The following GLIS3 variants were observed in gnomAD, a reference collection of about 807,000 sequenced individuals.
GLIS3 encodes zinc finger protein GLIS3.
A neutral mutation model predicts 78.6 loss-of-function variants in GLIS3; 53 were observed. The ratio of observed to expected loss-of-function variants is 0.67; its 90% CI spans 0.54 to 0.85. The LOEUF (loss-of-function observed/expected upper bound fraction) is 0.85. GLIS3 is among the 40% of genes least tolerant of loss of function. The pLI is 0.00. For missense variants in GLIS3, 1,703 were observed against 1,231.1 expected, an observed-to-expected ratio of 1.38 and a Z score of -5.74; for synonymous variants, 684 against 509.9, an observed-to-expected ratio of 1.34 and a Z score of -4.60.
At chr9:3,940,107 A>G (rs1405841199) in intron 4 of GLIS3, among the ~76,000 whole-genome samples, 1 of 152,224 alleles carries the variant, frequency 6.6e-6, no homozygotes, top group Non-Finnish European at 1.5e-5. Flanking sequence ...TCATCACAAG[A>G]ATTTCCCCTC....
intron 4 of GLIS3, among the ~76,000 whole-genome samples, chr9:4,308,533 T>G (rs1034943422): frequency 2.0e-5 from 3 of 152,004 alleles, no homozygotes; most frequent in Non-Finnish European, 4.4e-5. Flanking sequence ...CCCTCCTCCC[T>G]GAGATCTCCC....
the GLIS3 span, among the ~76,000 whole-genome samples, chr9:4,378,591 G>C: frequency 0.67 from 101,230 of 151,948 alleles, 33,759 homozygotes; most frequent in Admixed American, 0.71. Context: ...TACAAAATAG[G>C]TACAATAACT....
chr9:4,423,394 A>G, the GLIS3 span, among the ~76,000 whole-genome samples: 2 of 152,154 alleles, frequency 1.3e-5, no homozygotes, highest in East Asian at 1.9e-4. Flanking sequence ...TACTCAACCC[A>G]TCTTTTCCCA....
intron 2 of GLIS3, among the ~76,000 whole-genome samples, chr9:4,342,959 T>G (rs1448764730): frequency 6.6e-6 from 1 of 152,244 alleles, no homozygotes; most frequent in Non-Finnish European, 1.5e-5. Context: ...CCTCAAACTT[T>G]GCTGAAGTTG....
At chr9:4,266,252 C>T (rs1261249920) in intron 2 of GLIS3, among the ~76,000 whole-genome samples, 2 of 151,774 alleles carry the variant, frequency 1.3e-5, no homozygotes, top group East Asian at 1.9e-4. Context: ...TTTCTGTCAT[C>T]AGGAAAATGA....
intron 4 of GLIS3, among the ~76,000 whole-genome samples, chr9:4,007,297 G>A (rs1024696277): frequency 3.3e-5 from 5 of 152,084 alleles, no homozygotes; most frequent in African/African-American, 1.2e-4. Flanking sequence ...TTGGACAGTA[G>A]AGATCTGAGC....
chr9:3,937,284 T>G, intron 4 of GLIS3, 95 bp from the exon 5 acceptor site: 1 of 1,232,000 alleles, frequency 8.1e-7, no homozygotes, highest in East Asian at 2.4e-5. Context: ...GTTGGTACTT[T>G]GCCGAAAATG....
chr9:4,434,855 A>G, the GLIS3 span, among the ~76,000 whole-genome samples: 1 of 152,226 alleles, frequency 6.6e-6, no homozygotes, highest in Non-Finnish European at 1.5e-5. Context: ...ACTACAACCC[A>G]TGTGAGACCA....
At chr9:4,329,687 C>T (rs537587490) in intron 2 of GLIS3, among the ~76,000 whole-genome samples, 76 of 152,178 alleles carry the variant, frequency 5.0e-4, no homozygotes, top group African/African-American at 1.7e-3. Context: ...CTAGTCTGCC[C>T]ACCCACCTGA....
chr9:4,332,442 C>G (rs765801449), intron 2 of GLIS3, among the ~76,000 whole-genome samples: 2 of 152,198 alleles, frequency 1.3e-5, no homozygotes, highest in African/African-American at 2.4e-5. Flanking sequence ...AGTATGGCCA[C>G]GTGACTAAGT....
intron 2 of GLIS3, among the ~76,000 whole-genome samples, chr9:4,313,599 A>G (rs1817396554): frequency 1.3e-5 from 2 of 152,074 alleles, no homozygotes; most frequent in South Asian, 4.1e-4. Flanking sequence ...TTGGACCTTG[A>G]TTTTTCTCTC....
At chr9:3,941,776 G>A (rs1176110583) in intron 4 of GLIS3, among the ~76,000 whole-genome samples, 9 of 152,196 alleles carry the variant, frequency 5.9e-5, no homozygotes, top group African/African-American at 1.2e-4. Flanking sequence ...TTGTTTTCAA[G>A]TAACAAACTT....
At chr9:4,050,207 G>C (rs548088786) in intron 4 of GLIS3, among the ~76,000 whole-genome samples, 3 of 152,130 alleles carry the variant, frequency 2.0e-5, no homozygotes, top group Admixed American at 6.6e-5. Context: ...CAAATATCCA[G>C]CAATGATAGA....
At chr9:3,859,350 A>AACACAC (rs34973607) in intron 8 of GLIS3, among the ~76,000 whole-genome samples, 163 of 148,958 alleles carry the variant, frequency 1.1e-3, no homozygotes, top group Middle Eastern at 3.5e-3. Flanking sequence ...GTTTCTTCGA[A>AACACAC]ACACACACAC....
At chr9:4,258,400 A>G (rs1028722593) in intron 2 of GLIS3, among the ~76,000 whole-genome samples, 1 of 152,216 alleles carries the variant, frequency 6.6e-6, no homozygotes, top group Non-Finnish European at 1.5e-5. Flanking sequence ...GGTGAGTAAG[A>G]CGGTATTGGG....
chr9:4,088,529 T>C (rs138679881), intron 4 of GLIS3, among the ~76,000 whole-genome samples: 2 of 152,234 alleles, frequency 1.3e-5, no homozygotes, highest in African/African-American at 4.8e-5. Context: ...TAAACCAACT[T>C]TGAAAGATTA....
intron 9 of GLIS3, among the ~76,000 whole-genome samples, chr9:3,843,478 T>C (rs1025204358): frequency 1.3e-5 from 2 of 152,164 alleles, no homozygotes; most frequent in Non-Finnish European, 2.9e-5. Flanking sequence ...GGATGTTGTA[T>C]TTGGGAAACC....
chr9:4,301,987 TTTTTC>T (rs1316349563), upstream of GLIS3, among the ~76,000 whole-genome samples: 106 of 143,778 alleles, frequency 7.4e-4, no homozygotes, highest in African/African-American at 2.3e-3. Flanking sequence ...TGGTTGAATT[TTTTTC>T]TTTTTTTTTT....
chr9:4,214,314 G>T (rs1313299020), intron 2 of GLIS3, among the ~76,000 whole-genome samples: 1 of 152,224 alleles, frequency 6.6e-6, no homozygotes, highest in East Asian at 1.9e-4. Context: ...GTGTCAAACG[G>T]TTGGCCCCAG....
Sources: gnomAD v4.1 joint callset for allele counts (sites outside exome capture counted in the v4.1 genomes callset) on GRCh38, gnomAD v4.1.1 for gene constraint, MANE v1.5 for transcripts, NCBI Gene and HGNC (gene_info 2026-07-23, HGNC 2026-07-21) for gene names.